Variants in ROBO2 observed in about 807,000 individuals in gnomAD.
ROBO2 encodes roundabout homolog 2.
A neutral mutation model predicts 160.8 loss-of-function variants in ROBO2; 53 were observed. The ratio of observed to expected loss-of-function variants is 0.33; its 90% CI spans 0.26 to 0.41. The LOEUF (loss-of-function observed/expected upper bound fraction) is 0.41, where lower values mean the gene tolerates loss of function less well. Ranked by LOEUF, ROBO2 falls within the 10% of genes least tolerant of loss-of-function variation. The pLI is 1.00. For missense variants in ROBO2, 1,577 were observed against 1,722.4 expected, an observed-to-expected ratio of 0.92 and a Z score of 1.49; for synonymous variants, 664 against 611.7, an observed-to-expected ratio of 1.09 and a Z score of -1.26.
chr3:75,993,063 G>C (rs1489142670), intron 2 of ROBO2, among the ~76,000 whole-genome samples: 4 of 152,164 alleles, frequency 2.6e-5, no homozygotes, highest in Non-Finnish European at 5.9e-5. Flanking sequence ...TGTCTCAGAT[G>C]AAACTTTGGA....
intron 2 of ROBO2, among the ~76,000 whole-genome samples, chr3:76,856,118 A>G (rs527977681): frequency 4.9e-4 from 74 of 152,298 alleles, no homozygotes; most frequent in African/African-American, 1.7e-3. Context: ...TTTTCAGTAT[A>G]TCGTGGTTAT....
At chr3:76,548,883 C>G (rs1222654115) in intron 2 of ROBO2, among the ~76,000 whole-genome samples, 1 of 151,980 alleles carries the variant, frequency 6.6e-6, no homozygotes, top group African/African-American at 2.4e-5. Context: ...AACACTGCCC[C>G]CACTCCAGCT....
intron 2 of ROBO2, among the ~76,000 whole-genome samples, chr3:76,734,498 G>A (rs912909021): frequency 2.0e-5 from 3 of 152,130 alleles, no homozygotes; most frequent in South Asian, 4.1e-4. Context: ...CATAAATTTG[G>A]TAATTATCTT....
chr3:77,291,261 T>A (rs1389199608), intron 2 of ROBO2, among the ~76,000 whole-genome samples: 1 of 151,748 alleles, frequency 6.6e-6, no homozygotes, highest in Non-Finnish European at 1.5e-5. Flanking sequence ...GTTAAACGGG[T>A]AAGCTGAGGC....
intron 2 of ROBO2, among the ~76,000 whole-genome samples, chr3:77,118,155 T>C (rs2074387199): frequency 6.6e-6 from 1 of 152,146 alleles, no homozygotes; most frequent in South Asian, 2.1e-4. Context: ...TTAAGTGAGG[T>C]TTCTTCTATA....
At chr3:76,861,488 T>C (rs2070773978) in intron 2 of ROBO2, among the ~76,000 whole-genome samples, 1 of 152,204 alleles carries the variant, frequency 6.6e-6, no homozygotes, top group Non-Finnish European at 1.5e-5. Flanking sequence ...CTCCCTTCTT[T>C]TACCCACAGT....
intron 2 of ROBO2, among the ~76,000 whole-genome samples, chr3:76,667,928 A>T (rs1373413803): frequency 6.6e-6 from 1 of 152,304 alleles, no homozygotes; most frequent in South Asian, 2.1e-4. Flanking sequence ...TGAAAAAAAA[A>T]CTATGTAAAA....
At chr3:76,412,242 C>G (rs199919123) in intron 2 of ROBO2, among the ~76,000 whole-genome samples, 62 of 152,256 alleles carry the variant, frequency 4.1e-4, no homozygotes, top group African/African-American at 1.4e-3. Context: ...GGTCCCTCCC[C>G]CTGGGTTACT....
chr3:76,855,196 A>G (rs1373241163), intron 2 of ROBO2, among the ~76,000 whole-genome samples: 1 of 152,232 alleles, frequency 6.6e-6, no homozygotes, highest in Non-Finnish European at 1.5e-5. Flanking sequence ...AACTGATTGA[A>G]GTAGTTTGTT....
intron 2 of ROBO2, among the ~76,000 whole-genome samples, chr3:75,958,183 A>G (rs1405307204): frequency 6.6e-6 from 1 of 151,772 alleles, no homozygotes; most frequent in Non-Finnish European, 1.5e-5. Context: ...CATTGCTATA[A>G]ACCTAATGAG....
chr3:76,557,098 AAAT>A (rs2083843426), intron 2 of ROBO2, among the ~76,000 whole-genome samples: 1 of 152,074 alleles, frequency 6.6e-6, no homozygotes. Context: ...TTATAGCTTT[AAAT>A]AATACACCAG....
At chr3:76,481,297 G>C (rs1409886322) in intron 2 of ROBO2, among the ~76,000 whole-genome samples, 1 of 152,024 alleles carries the variant, frequency 6.6e-6, no homozygotes, top group Non-Finnish European at 1.5e-5. Flanking sequence ...TTGTAATTGC[G>C]GGAGGGAAAA....
chr3:77,315,194 T>G (rs890918826), intron 2 of ROBO2, among the ~76,000 whole-genome samples: 10 of 152,160 alleles, frequency 6.6e-5, no homozygotes, highest in Non-Finnish European at 1.0e-4. Flanking sequence ...TACACAAAGG[T>G]CTTATTTGCA....
rs922504979 is a variant in ROBO2 at position 77,199,781 on chromosome 3, C to G, written c.388+101441C>G. Reference sequence around the variant, plus strand: ...GGGACAACACGCTTGTGCCACCGTACCTCGCTAATTTTTTTTTTTGTTGTT... The same window carrying G: ...GGGACAACACGCTTGTGCCACCGTAGCTCGCTAATTTTTTTTTTTGTTGTT... On this transcript the variant is annotated intron_variant, in intron 2 of 25. Transcript: ENST00000461745. 4.2e-4 allele frequency among the ~76,000 whole-genome samples: 59 copies of G among 139,536 alleles called. 1 individual carries two copies. Among genetic ancestry groups the G allele is most frequent in the African/African-American group, 1.5e-3 (59 of 39,724 alleles). The allele number at this position is 139,536 out of a possible 152,430, so 91.5% of individuals were successfully genotyped here.
At chr3:76,046,519 G>A (rs1159412351) in intron 2 of ROBO2, among the ~76,000 whole-genome samples, 2 of 151,990 alleles carry the variant, frequency 1.3e-5, no homozygotes, top group African/African-American at 2.4e-5. Context: ...CGTGGTGGCA[G>A]CGCCTGCAGT....
intron 6 of ROBO2, among the ~76,000 whole-genome samples, chr3:77,531,895 G>A (rs2091757966): frequency 1.3e-5 from 2 of 152,000 alleles, no homozygotes; most frequent in African/African-American, 4.8e-5. Flanking sequence ...AGCTCTTAAT[G>A]TTTCCTGCAC....
intron 2 of ROBO2, among the ~76,000 whole-genome samples, chr3:76,440,886 A>G (rs2076895992): frequency 8.8e-6 from 1 of 113,716 alleles, no homozygotes; most frequent in African/African-American, 6.5e-5. Flanking sequence ...CACAAACTTC[A>G]TGTGGCATGT....
chr3:76,437,761 A>G (rs1337061808), intron 2 of ROBO2, among the ~76,000 whole-genome samples: 1 of 152,150 alleles, frequency 6.6e-6, no homozygotes, highest in Non-Finnish European at 1.5e-5. Flanking sequence ...AAGACAAAGA[A>G]AAAAGGTGAT....
At chr3:77,477,556 G>A in exon 3 of ROBO2, 1 of 1,614,008 alleles carries the variant, frequency 6.2e-7, no homozygotes, top group Non-Finnish European at 8.5e-7. Context: ...TTGATGACAA[G>A]GAAGAAAGAA....
Sources: allele counts gnomAD v4.1 joint callset (sites outside exome capture counted in the v4.1 genomes callset), GRCh38; gene constraint gnomAD v4.1.1; transcripts MANE v1.5; gene names NCBI Gene and HGNC (gene_info 2026-07-23, HGNC 2026-07-21).